The following LAMP5 variants were observed in gnomAD, a reference collection of about 807,000 sequenced individuals.
The protein encoded by LAMP5 is lysosome associated membrane protein 5, also known as lysosome-associated membrane glycoprotein 5.
In LAMP5, 36 loss-of-function variants were observed where a neutral mutation model predicts 30.2. The ratio of observed to expected loss-of-function variants is 1.19; its 90% CI spans 0.91 to 1.57. The LOEUF (loss-of-function observed/expected upper bound fraction) is 1.57, where lower values mean the gene tolerates loss of function less well. Ranked by LOEUF, LAMP5 falls within the 40% of genes most tolerant of loss-of-function variation. LAMP5 has a pLI of 0.00. For synonymous variants in LAMP5, 149 were observed against 134.6 expected (o/e 1.11, Z -0.74); for missense variants, 377 against 354.9 (o/e 1.06, Z -0.50).
At chr20:9,524,595 T>TAAAAAAAAAAAAAAAAAA (rs748114210) in intron 5 of LAMP5, among the ~76,000 whole-genome samples, 8 of 82,208 alleles carry the variant, frequency 9.7e-5, no homozygotes, top group Non-Finnish European at 1.2e-4. Flanking sequence ...CAGATCGAAC[T>TAAAAAAAAAAAAAAAAAA]AAAAAAAAAA....
In LAMP5 at chr20:9,518,184, A is replaced by C. The variant is rs1568943305; in HGVS notation, c.620A>C (p.His207Pro). 3.3e-5 allele frequency: 54 copies of C among 1,614,056 alleles called. No individual in the cohort carries two copies. Among genetic ancestry groups the C allele is most frequent in the Non-Finnish European group, 4.4e-5 (52 of 1,180,020 alleles). Residue 207 changes from histidine to proline, a missense_variant, in exon 5 of 6, where the codon CAC (histidine) becomes CCC (proline). By Grantham distance (77) the His-to-Pro change is moderately conservative. Coordinates refer to ENST00000246070, the MANE Select transcript of LAMP5 (RefSeq NM_012261.4). ...GTCACCATGATCCTGTCTGCGGTCC[A>C]CATCCAACCTTTTGACATTATCTCA... Reference protein sequence around the residue: ...KTVTMILSAVHIQPFDIISDF... With the variant: ...KTVTMILSAVPIQPFDIISDF...
intron 5 of LAMP5, among the ~76,000 whole-genome samples, chr20:9,522,458 T>C (rs932896034): frequency 3.3e-5 from 5 of 152,192 alleles, no homozygotes; most frequent in African/African-American, 1.2e-4. Context: ...CCACCCTACA[T>C]AGTTGGTCCT....
chr20:9,529,929 A>G lies in LAMP5; in HGVS notation c.*109A>G, dbSNP rs756768726. The G allele has an allele frequency of 3.1e-5, 35 of 1,135,222 alleles. No individual in the cohort carries two copies. The Admixed American group carries it at 6.7e-4, about 22-fold the overall frequency. 70.3% of individuals were successfully genotyped at this position (1,135,222 alleles called of 1,614,324 possible). On this transcript the variant is annotated 3_prime_UTR_variant, in exon 6 of 6. Transcript: ENST00000246070. ...GAGATACACCAACATAGCTACAATC[A>G]AACAGGCCTGGGTATCTGAGGCTTG... is the stretch of plus-strand genomic sequence containing the variant.
At chr20:9,526,862 A>G (rs201687747) in intron 5 of LAMP5, among the ~76,000 whole-genome samples, 1,183 of 29,600 alleles carry the variant, frequency 0.04, 4 homozygotes, top group African/African-American at 0.12. Context: ...GTGTGTGTGT[A>G]TATATATATA....
chr20:9,527,481 C>T (rs1176658731), intron 5 of LAMP5, among the ~76,000 whole-genome samples: 1 of 152,136 alleles, frequency 6.6e-6, no homozygotes, highest in Non-Finnish European at 1.5e-5. Flanking sequence ...AAAGCTCATC[C>T]CTTTTCATTT....
chr20:9,518,040 C>T lies in LAMP5; in HGVS notation c.476C>T (p.Ala159Val), dbSNP rs2045053668. ...EKTHFKDAVS[A>V]GKHTANSHHL... The stretch of plus-strand genomic sequence containing the variant: ...CTATTGCTCTGGGCTCTTGCTGTAG[C>T]TGGGAAGCACACAGCCAACTCGCAC... The change falls in exon 5 of 6, where the codon GCT becomes GTT. Residue 159 changes from alanine (A) to valine (V), a missense_variant and splice_region_variant. Physicochemically the swap from Ala to Val is moderately conservative, Grantham distance 64. Transcript: ENST00000246070. 7.4e-6 allele frequency: 12 copies of T among 1,613,302 alleles called. No homozygotes were observed. The highest frequency in any genetic ancestry group is 1.0e-5 in the Non-Finnish European group (12 of 1,179,870).
intron 5 of LAMP5, among the ~76,000 whole-genome samples, chr20:9,522,822 C>G (rs1603172183): frequency 6.6e-6 from 1 of 152,138 alleles, no homozygotes. Flanking sequence ...TCCACTACAC[C>G]TAGGTACTGG....
intron 5 of LAMP5, among the ~76,000 whole-genome samples, chr20:9,524,544 G>A (rs1338453893): frequency 4.0e-4 from 56 of 138,504 alleles, no homozygotes; most frequent in African/African-American, 1.2e-3. Context: ...AGAGAAAAGC[G>A]TGCCCTGCTT....
intron 5 of LAMP5, among the ~76,000 whole-genome samples, chr20:9,525,778 C>T (rs1568945370): frequency 1.3e-5 from 2 of 152,188 alleles, no homozygotes; most frequent in Admixed American, 6.5e-5. Context: ...TAACTCCCCA[C>T]CCTCCCTGTC....
intron 5 of LAMP5, among the ~76,000 whole-genome samples, chr20:9,521,454 A>G (rs2045079370): frequency 6.6e-6 from 1 of 152,210 alleles, no homozygotes; most frequent in African/African-American, 2.4e-5. Context: ...AAGATTTGGG[A>G]GTTTGGTGCC....
At chr20:9,515,875 A>C in intron 2 of LAMP5, 125 bp from the exon 3 acceptor site, 1 of 1,162,788 alleles carries the variant, frequency 8.6e-7, no homozygotes, top group Non-Finnish European at 1.2e-6. Flanking sequence ...TGTTCCCGGA[A>C]CCTGGGATGC....
chr20:9,515,974 G>C (rs748207724), intron 2 of LAMP5, 26 bp from the exon 3 acceptor site: 1 of 1,483,338 alleles, frequency 6.7e-7, no homozygotes. Context: ...GCGAGCTGAG[G>C]GGGCGCGGGG....
At chr20:9,517,973 C>G (rs1339720962) in intron 4 of LAMP5, 67 bp from the exon 5 acceptor site, 2 of 1,452,388 alleles carry the variant, frequency 1.4e-6, no homozygotes, top group Non-Finnish European at 1.9e-6. Context: ...AGGCAATAGC[C>G]AGCTCTCTGG....
At chr20:9,528,858 T>G (rs1019768061) in intron 5 of LAMP5, among the ~76,000 whole-genome samples, 14 of 152,224 alleles carry the variant, frequency 9.2e-5, no homozygotes, top group Non-Finnish European at 1.9e-4. Flanking sequence ...ATGTATACAC[T>G]CCTTGTGTCT....
rs1157782852 is a variant in LAMP5, at chr20:9,518,124, C to G, written c.560C>G (p.Thr187Ser). The change falls in exon 5 of 6, where the codon ACC becomes AGC. Residue 187 changes from threonine (T) to serine (S), a missense_variant. Physicochemically the swap from Thr to Ser is moderately conservative, Grantham distance 58. Coordinates refer to ENST00000246070, the MANE Select transcript of LAMP5 (RefSeq NM_012261.4). ...GKSYECQAQQ[T>S]ISLASSDPQK... ...TCCTATGAGTGTCAAGCTCAACAAA[C>G]CATTTCACTGGCCTCTAGTGATCCG... 1 of 1,614,206 alleles carries G rather than the reference C, an allele frequency of 6.2e-7. No individual in the cohort carries two copies. Among genetic ancestry groups the G allele is most frequent in the South Asian group, 1.1e-5 (1 of 91,080 alleles).
chr20:9,527,932 T>G (rs1433240098), intron 5 of LAMP5, among the ~76,000 whole-genome samples: 1 of 151,704 alleles, frequency 6.6e-6, no homozygotes, highest in African/African-American at 2.4e-5. Context: ...AGATGTTCAT[T>G]TGTAAAAATT....
chr20:9,516,833 C>T (rs974095631), intron 4 of LAMP5, among the ~76,000 whole-genome samples: 1 of 152,272 alleles, frequency 6.6e-6, no homozygotes, highest in South Asian at 2.1e-4. Context: ...ATGGCTCGCA[C>T]GGGATATTCA....
intron 5 of LAMP5, among the ~76,000 whole-genome samples, chr20:9,526,581 G>A (rs1258803748): frequency 6.6e-6 from 1 of 152,110 alleles, no homozygotes; most frequent in Non-Finnish European, 1.5e-5. Flanking sequence ...GTCATCTCAG[G>A]TCCTGTCCCT....
Position 9,518,036 on chromosome 20 carries a change from G to A in LAMP5, c.476-4G>A, listed in dbSNP as rs1298331412. On this transcript the variant is annotated splice_region_variant and splice_polypyrimidine_tract_variant and intron_variant, in intron 4 of 5. Coordinates refer to ENST00000246070, the MANE Select transcript of LAMP5 (RefSeq NM_012261.4). Reference sequence around the variant, plus strand: ...CTAACTATTGCTCTGGGCTCTTGCTGTAGCTGGGAAGCACACAGCCAACTC... The same window carrying A: ...CTAACTATTGCTCTGGGCTCTTGCTATAGCTGGGAAGCACACAGCCAACTC... 6 of 1,515,296 alleles carry A rather than the reference G, an allele frequency of 4.0e-6. No homozygotes were observed. The highest frequency in any genetic ancestry group is 5.4e-6 in the Non-Finnish European group (6 of 1,115,608). 93.9% of individuals were successfully genotyped at this position (1,515,296 alleles called of 1,614,324 possible). A position where few individuals can be genotyped will look rare whatever the true frequency, so the allele number is the denominator to read the frequency against.
Sources: allele counts gnomAD v4.1 joint callset (sites outside exome capture counted in the v4.1 genomes callset), GRCh38; gene constraint gnomAD v4.1.1; transcripts MANE v1.5; gene names NCBI Gene and HGNC (gene_info 2026-07-23, HGNC 2026-07-21).